Variants in LRRFIP2 observed in about 807,000 individuals in gnomAD.
LRRFIP2 encodes LRR binding FLII interacting protein 2.
LRRFIP2 carries 109 observed loss-of-function variants against 125.9 expected under a neutral mutation model. The ratio of observed to expected loss-of-function variants is 0.87; its 90% CI spans 0.74 to 1.01. The LOEUF is 1.01. LRRFIP2 is among the 50% of genes least tolerant of loss of function. LRRFIP2 has a pLI of 0.00. For synonymous variants in LRRFIP2, 291 were observed against 293.1 expected (o/e 0.99, Z 0.07); for missense variants, 850 against 862.3 (o/e 0.99, Z 0.18).
rs73824649 is a variant in LRRFIP2 at position 37,124,121 on chromosome 3, C to T, written c.229-2430G>A. Among the ~76,000 whole-genome samples, 1,215 of 152,236 alleles carry T rather than the reference C, an allele frequency of 8.0e-3. 11 individuals carry two copies. The highest frequency in any genetic ancestry group is 0.027 in the African/African-American group (1,105 of 41,548). Reference sequence around the variant, plus strand: ...CACTGTCCAATACAACTTTCTCTGACCATGGAAATATTCTATATTTGTGCT... The same window carrying T: ...CACTGTCCAATACAACTTTCTCTGATCATGGAAATATTCTATATTTGTGCT... On this transcript the variant is annotated intron_variant, in intron 4 of 27. Transcript: ENST00000336686.
At chr3:37,101,957 C>G (rs918354607) in intron 15 of LRRFIP2, among the ~76,000 whole-genome samples, 1 of 152,110 alleles carries the variant, frequency 6.6e-6, no homozygotes, top group African/African-American at 2.4e-5. Flanking sequence ...TGGATAGGCA[C>G]ACTTCTTCAG....
At chr3:37,095,508 G>A (rs1007556481) in intron 16 of LRRFIP2, among the ~76,000 whole-genome samples, 33 of 152,174 alleles carry the variant, frequency 2.2e-4, no homozygotes, top group African/African-American at 8.0e-4. Context: ...TTAGCCACAT[G>A]CAGCTACTGA....
At chr3:37,092,941 C>G (rs778423179) in intron 17 of LRRFIP2, among the ~76,000 whole-genome samples, 5 of 152,098 alleles carry the variant, frequency 3.3e-5, no homozygotes, top group Non-Finnish European at 7.3e-5. Context: ...CGGGTTCAAG[C>G]AATTCTCCTG....
At chr3:37,172,711 A>C (rs1442541238) in intron 1 of LRRFIP2, 4 of 152,180 alleles carry the variant, frequency 2.6e-5, no homozygotes, top group Non-Finnish European at 5.9e-5. Context: ...TTCCCTATGA[A>C]GTGGAATTAT....
chr3:37,166,456 GGATT>G (rs1464748242), intron 1 of LRRFIP2, among the ~76,000 whole-genome samples: 2 of 152,076 alleles, frequency 1.3e-5, no homozygotes, highest in Non-Finnish European at 2.9e-5. Context: ...AGCTGATAAA[GGATT>G]GATATAAAGA....
intron 1 of LRRFIP2, among the ~76,000 whole-genome samples, chr3:37,171,280 C>T (rs1397453438): frequency 3.3e-5 from 5 of 152,086 alleles, no homozygotes; most frequent in Admixed American, 6.6e-5. Context: ...GATCCTAAAC[C>T]GCAGGCCTTC....
Position 37,108,218 on chromosome 3 carries a change from C to A in LRRFIP2, c.658-89G>T, listed in dbSNP as rs2094418288. 3.4e-5 allele frequency: 35 copies of A among 1,020,876 alleles called. No homozygotes were observed. The South Asian group carries it at 4.7e-4, about 14-fold the overall frequency. 63.2% of individuals were successfully genotyped at this position (1,020,876 alleles called of 1,614,324 possible). ...CATTAGGGACCATTTACCTAACTTG[C>A]CCCTGGTTCTCAAGATAAAGGTAAC... On this transcript the variant is annotated intron_variant, in intron 12 of 27. Coordinates refer to ENST00000336686, the MANE Select transcript of LRRFIP2 (RefSeq NM_006309.4).
At position 37,148,885 on chromosome 3, in the gene LRRFIP2, C is replaced by G; in HGVS notation, c.90+9G>C. The G allele has an allele frequency of 6.2e-7, 1 of 1,613,818 alleles. No homozygotes were observed. The highest frequency in any genetic ancestry group is 8.5e-7 in the Non-Finnish European group (1 of 1,179,882). The stretch of plus-strand genomic sequence containing the variant: ...AACTCAGTGTTGAGAGGGGATTTAC[C>G]AAACATACCTCTCTGGCAATGTTAC... On this transcript the variant is annotated intron_variant, in intron 2 of 27. Coordinates refer to ENST00000336686, the MANE Select transcript of LRRFIP2 (RefSeq NM_006309.4).
chr3:37,119,152 C>T (rs1178427357), intron 6 of LRRFIP2, among the ~76,000 whole-genome samples: 1 of 152,052 alleles, frequency 6.6e-6, no homozygotes, highest in African/African-American at 2.4e-5. Context: ...CTAGAATCTC[C>T]TCTAGGATGT....
At chr3:37,102,498 CTT>C (rs751506380) in intron 15 of LRRFIP2, among the ~76,000 whole-genome samples, 55 of 120,812 alleles carry the variant, frequency 4.6e-4, no homozygotes, top group African/African-American at 4.3e-4. Flanking sequence ...TCAAACAATT[CTT>C]TTTTTTTTTT....
chr3:37,085,580 T>C (rs1232454914), intron 18 of LRRFIP2, among the ~76,000 whole-genome samples: 1 of 129,490 alleles, frequency 7.7e-6, no homozygotes, highest in Admixed American at 8.0e-5. Flanking sequence ...CACTCAAATA[T>C]AAAACTTTTT....
intron 17 of LRRFIP2, among the ~76,000 whole-genome samples, chr3:37,092,201 C>T (rs1009569791): frequency 7.9e-5 from 12 of 152,220 alleles, no homozygotes; most frequent in African/African-American, 2.6e-4. Context: ...TGAAACAGGT[C>T]AAATTTTAAA....
intron 13 of LRRFIP2, among the ~76,000 whole-genome samples, chr3:37,107,427 A>T (rs952693146): frequency 6.6e-6 from 1 of 152,194 alleles, no homozygotes; most frequent in African/African-American, 2.4e-5. Context: ...AGCAGTATGT[A>T]ATATGACCCA....
At chr3:37,127,928 A>T (rs2095326950) in intron 3 of LRRFIP2, among the ~76,000 whole-genome samples, 1 of 152,090 alleles carries the variant, frequency 6.6e-6, no homozygotes, top group African/African-American at 2.4e-5. Flanking sequence ...TTATTTATTT[A>T]TTTATTTTTT....
chr3:37,083,703 T>G lies in LRRFIP2; in HGVS notation c.1211A>C (p.Lys404Thr). Residue 404 changes from lysine to threonine, a missense_variant, in exon 19 of 28, where the codon AAG becomes ACG. Transcript: ENST00000336686. ...TTCCTCCTGCTCTTCAATAACATCC[T>G]TGAGTGTGTCTACTTGGTAGATCAA... ...NNLIYQVDTLKDVIEEQEEQM... is the reference protein window; with the variant it reads ...NNLIYQVDTLTDVIEEQEEQM... The G allele has an allele frequency of 6.3e-7, 1 of 1,597,910 alleles. No individual in the cohort carries two copies. Among genetic ancestry groups the G allele is most frequent in the East Asian group, 2.3e-5 (1 of 43,388 alleles).
chr3:37,124,076 C>G (rs2095178701), intron 4 of LRRFIP2, among the ~76,000 whole-genome samples: 1 of 152,102 alleles, frequency 6.6e-6, no homozygotes, highest in African/African-American at 2.4e-5. Flanking sequence ...TCCACAGTCA[C>G]AAACTATACC....
At position 37,105,435 on chromosome 3, in the gene LRRFIP2, T is replaced by C. The variant is rs1032591078; in HGVS notation, c.783+20A>G. On this transcript the variant is annotated intron_variant, in intron 14 of 27. Transcript: ENST00000336686. ...TCATTTAAAACTCATCTTATTTCTTTGCATGCAAATCATGCTCACCACACT... is the reference window on the plus strand; with the variant it reads ...TCATTTAAAACTCATCTTATTTCTTCGCATGCAAATCATGCTCACCACACT... 1.2e-6 allele frequency: 2 copies of C among 1,605,992 alleles called. No individual in the cohort carries two copies. Among genetic ancestry groups the C allele is most frequent in the Non-Finnish European group, 8.5e-7 (1 of 1,172,690 alleles).
At chr3:37,132,482 T>G (rs552825305) in intron 2 of LRRFIP2, among the ~76,000 whole-genome samples, 1 of 152,204 alleles carries the variant, frequency 6.6e-6, no homozygotes. Context: ...AGAAAGAACA[T>G]GGGCTTCAGA....
chr3:37,092,231 G>C lies in LRRFIP2; in HGVS notation c.1036-693C>G, dbSNP rs190960915. Among the ~76,000 whole-genome samples, 271 of 152,300 alleles carry C rather than the reference G, an allele frequency of 1.8e-3. 1 individual carries two copies. Among genetic ancestry groups the C allele is most frequent in the Non-Finnish European group, 2.9e-3 (194 of 68,040 alleles). On this transcript the variant is annotated intron_variant, in intron 17 of 27. Coordinates refer to ENST00000336686, the MANE Select transcript of LRRFIP2 (RefSeq NM_006309.4). ...TTTAAATGGAAAATACTGTTTCCCT[G>C]TGTCTGACCTTGTTATATAAGGTCT...
Sources: gnomAD v4.1 joint callset for allele counts (sites outside exome capture counted in the v4.1 genomes callset) on GRCh38, gnomAD v4.1.1 for gene constraint, MANE v1.5 for transcripts, NCBI Gene and HGNC (gene_info 2026-07-23, HGNC 2026-07-21) for gene names.